Variants in SPC25 observed in about 807,000 individuals in gnomAD.
SPC25 encodes SPC25 component of NDC80 kinetochore complex.
SPC25 carries 22 observed loss-of-function variants against 29.6 expected under a neutral mutation model. That is an observed-to-expected ratio of 0.74 (90% CI 0.53 to 1.06). SPC25 has a LOEUF of 1.06. SPC25 is among the 50% of genes least tolerant of loss of function. The pLI, the probability that SPC25 is intolerant of heterozygous loss-of-function variation, is 0.00. For missense variants in SPC25, 230 were observed against 255.8 expected, an observed-to-expected ratio of 0.90 and a Z score of 0.69; for synonymous variants, 91 against 90.4, an observed-to-expected ratio of 1.01 and a Z score of -0.04.
At chr2:168,874,082 C>T (rs1005338539) in intron 5 of SPC25, among the ~76,000 whole-genome samples, 1 of 152,096 alleles carries the variant, frequency 6.6e-6, no homozygotes, top group Non-Finnish European at 1.5e-5. Flanking sequence ...TCTGAAAGGA[C>T]ATTTCTCCAA....
intron 4 of SPC25, chr2:168,865,571 A>C (rs1401433406): frequency 6.6e-6 from 1 of 152,602 alleles, no homozygotes; most frequent in East Asian, 1.9e-4. Flanking sequence ...CAAGACAGGA[A>C]TGTCCTCTCA....
At position 168,888,924 on chromosome 2, in the gene SPC25, CGTGTGTGT is replaced by C. The variant is rs375198489; in HGVS notation, c.199+294_199+301del. ...TTACAGGCATGAGCCACTACATGTA[CGTGTGTGT>C]GTGTGTGTGTGTGTGTGTGTGTGTG... is the stretch of plus-strand genomic sequence containing the variant. On this transcript the variant is annotated intron_variant, in intron 3 of 6. Coordinates refer to ENST00000282074, the MANE Select transcript of SPC25 (RefSeq NM_020675.4). Among the ~76,000 whole-genome samples, 437 of 87,468 alleles carry C rather than the reference CGTGTGTGT, an allele frequency of 5.0e-3. 4 individuals are homozygous for C. Among genetic ancestry groups the C allele is most frequent in the Middle Eastern group, 7.7e-3 (1 of 130 alleles). 57.4% of individuals were successfully genotyped at this position (87,468 alleles called of 152,430 possible). A position where few individuals can be genotyped will look rare whatever the true frequency, so the allele number is the denominator to read the frequency against.
At chr2:168,864,783 A>G (rs759411961) in intron 4 of SPC25, 1 of 1,602,724 alleles carries the variant, frequency 6.2e-7, no homozygotes, top group Non-Finnish European at 8.5e-7. Flanking sequence ...AATCGGGCTG[A>G]GGCATGTGTT....
At chr2:168,881,625 T>C (rs185796431) in intron 3 of SPC25, among the ~76,000 whole-genome samples, 24 of 152,356 alleles carry the variant, frequency 1.6e-4, no homozygotes, top group African/African-American at 5.5e-4. Flanking sequence ...GAATTAAAGA[T>C]TTAGTTTTAC....
intron 1 of SPC25, among the ~76,000 whole-genome samples, chr2:168,890,021 A>G (rs550838993): frequency 1.2e-3 from 180 of 152,232 alleles, no homozygotes; most frequent in African/African-American, 4.2e-3. Context: ...GAGGATGTAT[A>G]CAAGTCACCT....
chr2:168,887,238 C>T (rs1198223203), intron 3 of SPC25, among the ~76,000 whole-genome samples: 3 of 151,784 alleles, frequency 2.0e-5, no homozygotes, highest in Non-Finnish European at 2.9e-5. Context: ...CTGGCTAACA[C>T]GGTGAAACCC....
intron 5 of SPC25, 38 bp downstream of exon 5, chr2:168,876,034 T>C (rs1690078996): frequency 3.4e-6 from 4 of 1,170,334 alleles, no homozygotes; most frequent in Non-Finnish European, 4.6e-6. Context: ...GACATACTTT[T>C]GTAATCTCCT....
chr2:168,862,072 T>G (rs1362930496), intron 4 of SPC25: 1 of 1,594,874 alleles, frequency 6.3e-7, no homozygotes, highest in Non-Finnish European at 8.6e-7. Context: ...CTCAAATATT[T>G]TAATTGCCTT....
chr2:168,861,710 A>AGACTT (rs1689462332), intron 4 of SPC25, among the ~76,000 whole-genome samples: 1 of 152,196 alleles, frequency 6.6e-6, no homozygotes, highest in African/African-American at 2.4e-5. Flanking sequence ...GTTTTTCTCT[A>AGACTT]GACTTGCTAT....
chr2:168,874,843 A>G (rs1256075882), intron 5 of SPC25, among the ~76,000 whole-genome samples: 2 of 152,140 alleles, frequency 1.3e-5, no homozygotes, highest in Non-Finnish European at 2.9e-5. Context: ...AGCTTGTGCC[A>G]GGTTTCCTGT....
At chr2:168,869,757 A>G (rs1183732216), downstream of SPC25, among the ~76,000 whole-genome samples, 1 of 152,238 alleles carries the variant, frequency 6.6e-6, no homozygotes, top group Non-Finnish European at 1.5e-5. Context: ...GGAAGAATCA[A>G]TATCATGAAA....
chr2:168,886,470 T>C (rs750453593), intron 3 of SPC25, among the ~76,000 whole-genome samples: 35 of 152,318 alleles, frequency 2.3e-4, no homozygotes, highest in Admixed American at 8.5e-4. Flanking sequence ...CATATGTTCA[T>C]TGAATTAATT....
At position 168,871,009 on chromosome 2, in the gene SPC25, A is replaced by G. The variant is rs1366838722; in HGVS notation, c.*422T>C. The G allele has an allele frequency of 6.6e-6, 1 of 152,576 alleles. No individual in the cohort carries two copies. The highest frequency in any genetic ancestry group is 1.5e-5 in the Non-Finnish European group (1 of 68,396). 9.5% of individuals were successfully genotyped at this position (152,576 alleles called of 1,614,324 possible). ...TAAGAAAATGTGGCACATATACACC[A>G]TGGAATACTATGCAGCCATAAAAAA... On this transcript the variant is annotated 3_prime_UTR_variant, in exon 7 of 7. Transcript: ENST00000282074.
chr2:168,863,904 G>A (rs564890736), intron 4 of SPC25, among the ~76,000 whole-genome samples: 4 of 151,790 alleles, frequency 2.6e-5, no homozygotes, highest in Non-Finnish European at 2.9e-5. Context: ...ATGATCCAAC[G>A]TGATCTTTTT....
In SPC25 at chr2:168,871,140, A is replaced by G. The variant is rs1357423808; in HGVS notation, c.*291T>C. 1.2e-5 allele frequency: 2 copies of G among 170,520 alleles called. No homozygotes were observed. Among genetic ancestry groups the G allele is most frequent in the Non-Finnish European group, 2.4e-5 (2 of 81,650 alleles). 10.6% of individuals were successfully genotyped at this position (170,520 alleles called of 1,614,324 possible). ...CCAAACACCACATATTCTCACTCCT[A>G]GGTGGGAATTGAACAATGAGAACAC... On this transcript the variant is annotated 3_prime_UTR_variant, in exon 7 of 7. Coordinates refer to ENST00000282074, the MANE Select transcript of SPC25 (RefSeq NM_020675.4).
intron 5 of SPC25, among the ~76,000 whole-genome samples, chr2:168,875,144 A>T (rs1690063342): frequency 6.6e-6 from 1 of 152,186 alleles, no homozygotes; most frequent in Non-Finnish European, 1.5e-5. Context: ...GTCTATGCTC[A>T]CTGGTTTACA....
At chr2:168,871,581 A>C (rs375779106) in intron 6 of SPC25, 26 bp from the exon 7 acceptor site, 6 of 1,546,968 alleles carry the variant, frequency 3.9e-6, no homozygotes, top group Non-Finnish European at 3.5e-6. Context: ...AAAGAAATCA[A>C]AGACAATTAG....
At chr2:168,886,284 G>A (rs373568567) in intron 3 of SPC25, among the ~76,000 whole-genome samples, 11 of 152,048 alleles carry the variant, frequency 7.2e-5, no homozygotes, top group Admixed American at 3.3e-4. Context: ...TTGAACTCCT[G>A]GACTCAGGCA....
intron 3 of SPC25, among the ~76,000 whole-genome samples, chr2:168,882,123 A>C (rs1020082963): frequency 6.6e-6 from 1 of 152,276 alleles, no homozygotes; most frequent in Non-Finnish European, 1.5e-5. Flanking sequence ...AGATATGCCA[A>C]ACAAACGTTG....
Sources: allele counts gnomAD v4.1 joint callset (sites outside exome capture counted in the v4.1 genomes callset), GRCh38; gene constraint gnomAD v4.1.1; transcripts MANE v1.5; gene names NCBI Gene and HGNC (gene_info 2026-07-23, HGNC 2026-07-21).